ATP13A4: variants seen among roughly 807,000 people sequenced by gnomAD.
ATP13A4 encodes ATPase 13A4, also known as probable cation-transporting ATPase 13A4.
A neutral mutation model predicts 142.5 loss-of-function variants in ATP13A4; 114 were observed. The ratio of observed to expected loss-of-function variants is 0.80; its 90% CI spans 0.69 to 0.93. The LOEUF is 0.93. ATP13A4 is among the 40% of genes least tolerant of loss of function. The pLI, the probability that ATP13A4 is intolerant of heterozygous loss-of-function variation, is 0.00. For synonymous variants in ATP13A4, 488 were observed against 514.8 expected (o/e 0.95, Z 0.70); for missense variants, 1,392 against 1,454.0 (o/e 0.96, Z 0.69).
chr3:193,451,002 G>T (rs1717242586), intron 17 of ATP13A4, among the ~76,000 whole-genome samples: 1 of 152,158 alleles, frequency 6.6e-6, no homozygotes, highest in Non-Finnish European at 1.5e-5. Context: ...CCACTTTGCT[G>T]CCACTGGACT....
intron 29 of ATP13A4, 84 bp downstream of exon 29, chr3:193,407,229 G>A: frequency 8.0e-7 from 1 of 1,257,142 alleles, no homozygotes; most frequent in South Asian, 1.2e-5. Context: ...AGCTAAAGTT[G>A]TTGTTTTCAG....
At chr3:193,413,750 G>A (rs1217254242) in intron 26 of ATP13A4, among the ~76,000 whole-genome samples, 4 of 152,162 alleles carry the variant, frequency 2.6e-5, no homozygotes, top group African/African-American at 9.7e-5. Flanking sequence ...GGTCAGACTG[G>A]TTCTCTGCTC....
At chr3:193,420,602 T>C (rs1043156464) in intron 25 of ATP13A4, among the ~76,000 whole-genome samples, 5 of 149,464 alleles carry the variant, frequency 3.3e-5, no homozygotes, top group Non-Finnish European at 7.4e-5. Flanking sequence ...AGAATACAGA[T>C]AGACAAATTA....
chr3:193,405,862 C>T (rs1277314815), intron 29 of ATP13A4, among the ~76,000 whole-genome samples: 5 of 152,058 alleles, frequency 3.3e-5, no homozygotes, highest in Non-Finnish European at 7.4e-5. Context: ...GAAACATACA[C>T]CACACAGAGA....
At chr3:193,417,647 C>T (rs1715132785) in intron 25 of ATP13A4, among the ~76,000 whole-genome samples, 1 of 152,240 alleles carries the variant, frequency 6.6e-6, no homozygotes, top group Non-Finnish European at 1.5e-5. Context: ...CTTGTCAGCA[C>T]TGCTTTCAAC....
At chr3:193,463,749 G>GATATAA (rs1196097417) in intron 12 of ATP13A4, among the ~76,000 whole-genome samples, 1 of 152,108 alleles carries the variant, frequency 6.6e-6, no homozygotes, top group African/African-American at 2.4e-5. Context: ...CAGGTCCGAG[G>GATATAA]ATATAATCTC....
intron 8 of ATP13A4, among the ~76,000 whole-genome samples, chr3:193,481,372 T>A (rs1172662826): frequency 6.6e-6 from 1 of 152,210 alleles, no homozygotes; most frequent in African/African-American, 2.4e-5. Context: ...GTATATAATA[T>A]AAACAAGCCT....
intron 28 of ATP13A4, among the ~76,000 whole-genome samples, chr3:193,409,129 G>A (rs541120045): frequency 2.6e-5 from 4 of 152,150 alleles, no homozygotes; most frequent in Admixed American, 2.6e-4. Context: ...TTTGAATTGT[G>A]AACCAAATGA....
intron 8 of ATP13A4, 143 bp downstream of exon 8, chr3:193,483,790 AAAC>A: frequency 3.9e-6 from 3 of 760,898 alleles, no homozygotes; most frequent in Non-Finnish European, 4.3e-6. Flanking sequence ...GTAAAAAAAA[AAAC>A]TTAAGTTCCT....
At chr3:193,509,868 A>G (rs933563494) in intron 2 of ATP13A4, among the ~76,000 whole-genome samples, 1 of 152,210 alleles carries the variant, frequency 6.6e-6, no homozygotes, top group African/African-American at 2.4e-5. Context: ...CCTCACTAGA[A>G]AATCACTCTG....
At chr3:193,457,685 CA>C (rs1449069838) in intron 14 of ATP13A4, among the ~76,000 whole-genome samples, 1 of 152,192 alleles carries the variant, frequency 6.6e-6, no homozygotes, top group African/African-American at 2.4e-5. Flanking sequence ...ATTATTCATG[CA>C]ATTTATCTTG....
chr3:193,405,059 G>A (rs1426999011), intron 29 of ATP13A4, among the ~76,000 whole-genome samples: 4 of 152,190 alleles, frequency 2.6e-5, no homozygotes, highest in Non-Finnish European at 5.9e-5. Context: ...AAACCTGTTT[G>A]TTTTCAGGGC....
In ATP13A4 at chr3:193,448,262, G is replaced by T. The variant is rs758418780; in HGVS notation, c.2096C>A (p.Thr699Lys). The change falls in exon 18 of 30, where the codon ACA becomes AAA. Residue 699 changes from threonine to lysine, a missense_variant. Physicochemically the swap from Thr to Lys is moderately conservative, Grantham distance 78. Coordinates refer to ENST00000342695, the MANE Select transcript of ATP13A4 (RefSeq NM_032279.4). Reference sequence around the variant, plus strand: ...GATGAGCTCTTCCAAGACAGGTTTTGTCTCTTCCTTCAATCGATTCTCCAA... The same window carrying T: ...GATGAGCTCTTCCAAGACAGGTTTTTTCTCTTCCTTCAATCGATTCTCCAA... Reference protein sequence around the residue: ...LILENRLKEETKPVLEELISA... With the variant: ...LILENRLKEEKKPVLEELISA... The T allele has an allele frequency of 1.2e-6, 2 of 1,614,000 alleles. No individual in the cohort carries two copies. The highest frequency in any genetic ancestry group is 1.1e-5 in the South Asian group (1 of 91,086).
At chr3:193,523,276 G>C (rs1432014940) in intron 1 of ATP13A4, among the ~76,000 whole-genome samples, 1 of 151,196 alleles carries the variant, frequency 6.6e-6, no homozygotes, top group Non-Finnish European at 1.5e-5. Flanking sequence ...TGTACTCCAG[G>C]CTGGGCAACA....
At chr3:193,433,536 G>A (rs1006527800) in intron 25 of ATP13A4, among the ~76,000 whole-genome samples, 5 of 152,142 alleles carry the variant, frequency 3.3e-5, no homozygotes, top group African/African-American at 4.8e-5. Flanking sequence ...GTATCTAAAA[G>A]CACTCTGAAG....
intron 29 of ATP13A4, among the ~76,000 whole-genome samples, chr3:193,405,862 C>A (rs1277314815): frequency 6.6e-6 from 1 of 152,058 alleles, no homozygotes; most frequent in Admixed American, 6.6e-5. Flanking sequence ...GAAACATACA[C>A]CACACAGAGA....
chr3:193,465,837 C>A (rs1718243791), intron 11 of ATP13A4, among the ~76,000 whole-genome samples, 188 bp downstream of exon 11: 1 of 152,108 alleles, frequency 6.6e-6, no homozygotes, highest in African/African-American at 2.4e-5. Flanking sequence ...TCCCATGAAA[C>A]CTGTTTGTTA....
chr3:193,580,439 C>T (rs182882561), intron 2 of ATP13A4, among the ~76,000 whole-genome samples: 38 of 152,276 alleles, frequency 2.5e-4, no homozygotes, highest in African/African-American at 8.9e-4. Flanking sequence ...AGACTGTCAA[C>T]AGCTTGTGAC....
rs1461460608 is a variant in ATP13A4 at position 193,472,684 on chromosome 3, A to G, written c.809-1691T>C. ...TTAGATAACATGGTAAAGGCATTAA[A>G]TGTGTGGGTGGAAGACAGGAACAGA... On this transcript the variant is annotated intron_variant, in intron 8 of 29. Transcript: ENST00000342695. Among the ~76,000 whole-genome samples the G allele has an allele frequency of 2.6e-5, 4 of 152,174 alleles. No homozygotes were observed. In the South Asian group the frequency reaches 6.2e-4, roughly 24 times the overall value.
Sources: gnomAD v4.1 joint callset for allele counts (sites outside exome capture counted in the v4.1 genomes callset) on GRCh38, gnomAD v4.1.1 for gene constraint, MANE v1.5 for transcripts, NCBI Gene and HGNC (gene_info 2026-07-23, HGNC 2026-07-21) for gene names.